Variants in EYS observed in about 807,000 individuals in gnomAD.
EYS encodes the protein EGF-like photoreceptor maintenance factor.
Under a neutral mutation model 282.1 loss-of-function variants are expected in EYS, and 250 were observed. The observed-to-expected ratio is 0.89, with a 90% CI of 0.80 to 0.98. The LOEUF (loss-of-function observed/expected upper bound fraction) is 0.98. Among genes scored for constraint, EYS ranks in the 50% least tolerant of loss-of-function variants. The pLI is 0.00. For missense variants in EYS, 4,016 were observed against 3,709.0 expected, an observed-to-expected ratio of 1.08 and a Z score of -2.15; for synonymous variants, 1,355 against 1,282.9, an observed-to-expected ratio of 1.06 and a Z score of -1.20.
At chr6:64,506,116 G>GA (rs1696519500) in intron 26 of EYS, among the ~76,000 whole-genome samples, 1 of 151,922 alleles carries the variant, frequency 6.6e-6, no homozygotes, top group South Asian at 2.1e-4. Flanking sequence ...TATGAAAATT[G>GA]AAAAAATGTG....
chr6:64,351,558 C>T lies in EYS; in HGVS notation c.6078+37132G>A, dbSNP rs373598521. Among the ~76,000 whole-genome samples, 9 of 151,426 alleles carry T rather than the reference C, an allele frequency of 5.9e-5. No homozygotes were observed. The East Asian group carries it at 1.8e-3, about 30-fold the overall frequency. On this transcript the variant is annotated intron_variant, in intron 29 of 42. Coordinates refer to ENST00000503581, the MANE Select transcript of EYS (RefSeq NM_001142800.2). Reference sequence around the variant, plus strand: ...TAGATAGATAGCTTCCATTTATCATCTATCACAATCATTTAAGAAGAGACC... The same window carrying T: ...TAGATAGATAGCTTCCATTTATCATTTATCACAATCATTTAAGAAGAGACC...
chr6:65,704,610 G>C (rs558460138), intron 1 of EYS, among the ~76,000 whole-genome samples: 1 of 151,924 alleles, frequency 6.6e-6, no homozygotes, highest in Admixed American at 6.6e-5. Flanking sequence ...CTTAATATTC[G>C]GTTATATTTG....
chr6:64,617,175 A>G (rs921429266), intron 24 of EYS, among the ~76,000 whole-genome samples: 4 of 152,174 alleles, frequency 2.6e-5, no homozygotes, highest in Admixed American at 1.3e-4. Context: ...AGTCACTTGC[A>G]CCTTGGTGTG....
chr6:65,343,549 T>C (rs1770277966), intron 10 of EYS, among the ~76,000 whole-genome samples: 2 of 151,436 alleles, frequency 1.3e-5, no homozygotes, highest in African/African-American at 2.4e-5. Flanking sequence ...CTTTTATTCT[T>C]GCCATAGGCC....
chr6:65,286,897 T>A (rs1169682226), intron 12 of EYS, among the ~76,000 whole-genome samples: 3 of 151,622 alleles, frequency 2.0e-5, no homozygotes, highest in Non-Finnish European at 4.4e-5. Context: ...GGGTGCTGTA[T>A]TGTTGATTGA....
chr6:65,230,617 G>A (rs1218139756), intron 12 of EYS, among the ~76,000 whole-genome samples: 1 of 151,214 alleles, frequency 6.6e-6, no homozygotes, highest in Non-Finnish European at 1.5e-5. Context: ...TTTTTTCCTA[G>A]AGAGTCTGTA....
At chr6:65,418,039 G>C (rs899644449) in intron 5 of EYS, among the ~76,000 whole-genome samples, 1 of 151,978 alleles carries the variant, frequency 6.6e-6, no homozygotes, top group East Asian at 1.9e-4. Flanking sequence ...ACTGAATTAT[G>C]ATATGAGAAT....
At chr6:64,353,836 A>G (rs976784396) in intron 29 of EYS, among the ~76,000 whole-genome samples, 15 of 151,606 alleles carry the variant, frequency 9.9e-5, no homozygotes, top group Non-Finnish European at 2.2e-4. Flanking sequence ...TGGCCCTGCC[A>G]AGTGGGTTCA....
At chr6:64,595,427 T>C (rs975725684) in intron 24 of EYS, among the ~76,000 whole-genome samples, 1 of 152,084 alleles carries the variant, frequency 6.6e-6, no homozygotes, top group African/African-American at 2.4e-5. Flanking sequence ...GTCCCGGAAG[T>C]GCCAACAAGA....
At position 65,267,570 on chromosome 6, in the gene EYS, T is replaced by G. The variant is rs919358762; in HGVS notation, c.2023+28293A>C. 9.2e-5 allele frequency among the ~76,000 whole-genome samples: 14 copies of G among 152,140 alleles called. No individual in the cohort carries two copies. In the East Asian group the frequency reaches 2.7e-3, roughly 29 times the overall value. On this transcript the variant is annotated intron_variant, in intron 12 of 42. Coordinates refer to ENST00000503581, the MANE Select transcript of EYS (RefSeq NM_001142800.2). ...ACAATAACATATGTTTATATGTTCT[T>G]TTTAATACCTCTCTTATATTTTACT...
At chr6:64,179,095 C>G (rs760410715) in intron 31 of EYS, among the ~76,000 whole-genome samples, 2 of 151,988 alleles carry the variant, frequency 1.3e-5, no homozygotes, top group Non-Finnish European at 2.9e-5. Flanking sequence ...AATAATTTTT[C>G]TAGTGCAAGA....
chr6:64,499,042 C>T (rs1776965714), intron 26 of EYS, among the ~76,000 whole-genome samples: 2 of 152,148 alleles, frequency 1.3e-5, no homozygotes, highest in African/African-American at 4.8e-5. Context: ...GCCACACTGT[C>T]TTCCACATTG....
intron 19 of EYS, among the ~76,000 whole-genome samples, chr6:64,865,255 T>TA (rs1454367891): frequency 1.3e-5 from 2 of 152,100 alleles, no homozygotes; most frequent in Non-Finnish European, 2.9e-5. Context: ...TATACACACA[T>TA]AAAGTCTAAG....
chr6:64,440,564 A>G (rs1453583331), intron 26 of EYS, among the ~76,000 whole-genome samples: 1 of 152,094 alleles, frequency 6.6e-6, no homozygotes, highest in Non-Finnish European at 1.5e-5. Flanking sequence ...CAATTTTGAC[A>G]TTCTAATTTT....
At chr6:64,045,408 T>C (rs770696609) in intron 33 of EYS, among the ~76,000 whole-genome samples, 18 of 147,456 alleles carry the variant, frequency 1.2e-4, no homozygotes, top group Non-Finnish European at 2.2e-4. Flanking sequence ...TTTTATTTTA[T>C]TTTATTTTAT....
chr6:64,315,019 C>A (rs9344974), intron 29 of EYS, among the ~76,000 whole-genome samples: 104,280 of 151,856 alleles, frequency 0.69, 35,819 homozygotes, highest in South Asian at 0.71. Flanking sequence ...AAACTAGATA[C>A]ACCACCAGCC....
chr6:63,996,069 CTAT>C (rs1767821302), intron 34 of EYS, among the ~76,000 whole-genome samples: 3 of 151,756 alleles, frequency 2.0e-5, no homozygotes, highest in Admixed American at 6.6e-5. Context: ...TAAATATATA[CTAT>C]TATTACCTGT....
chr6:65,470,314 G>A (rs1765162187), intron 5 of EYS, among the ~76,000 whole-genome samples: 1 of 151,874 alleles, frequency 6.6e-6, no homozygotes, highest in South Asian at 2.1e-4. Flanking sequence ...AATACTATTT[G>A]GTATCATTCT....
At chr6:64,059,050 G>A (rs1771076652) in intron 33 of EYS, among the ~76,000 whole-genome samples, 1 of 152,020 alleles carries the variant, frequency 6.6e-6, no homozygotes, top group African/African-American at 2.4e-5. Context: ...CTTTCACCTG[G>A]AACTTTTTGT....
Sources: gnomAD v4.1 joint callset for allele counts (sites outside exome capture counted in the v4.1 genomes callset) on GRCh38, gnomAD v4.1.1 for gene constraint, MANE v1.5 for transcripts, NCBI Gene and HGNC (gene_info 2026-07-23, HGNC 2026-07-21) for gene names.